The following DHTKD1 variants were observed in gnomAD, a reference collection of about 807,000 sequenced individuals.
The protein encoded by DHTKD1 is 2-oxoadipate dehydrogenase complex component E1.
DHTKD1 carries 78 observed loss-of-function variants against 101.8 expected under a neutral mutation model. The ratio of observed to expected loss-of-function variants is 0.77; its 90% CI spans 0.64 to 0.93. The LOEUF is 0.93. Among genes scored for constraint, DHTKD1 ranks in the 40% least tolerant of loss-of-function variants. DHTKD1 has a pLI of 0.00. For synonymous variants in DHTKD1, 462 were observed against 450.3 expected, an observed-to-expected ratio of 1.03 and a Z score of -0.33; for missense variants, 1,223 against 1,161.7, an observed-to-expected ratio of 1.05 and a Z score of -0.77.
intron 10 of DHTKD1, among the ~76,000 whole-genome samples, chr10:12,104,178 G>A (rs2131618368): frequency 6.6e-6 from 1 of 152,278 alleles, no homozygotes; most frequent in South Asian, 2.1e-4. Context: ...GCATGTATCA[G>A]TACATCCTTC....
At position 12,094,114 on chromosome 10, in the gene DHTKD1, A is replaced by G; in HGVS notation, c.1201A>G (p.Ser401Gly). ...TGCCATCATCCATGTCAATGGAGAC[A>G]GCCCAGAGGAAGTGGTCCGTGCCAC... ...GCAIIHVNGD[S>G]PEEVVRATRL... Residue 401 changes from serine (S) to glycine (G), a missense_variant, in exon 7 of 17, where the codon AGC becomes GGC. Physicochemically the swap from Ser to Gly is moderately conservative, Grantham distance 56. Coordinates refer to ENST00000263035, the MANE Select transcript of DHTKD1 (RefSeq NM_018706.7). The G allele has an allele frequency of 1.2e-6, 2 of 1,614,134 alleles. No homozygotes were observed. The highest frequency in any genetic ancestry group is 1.7e-6 in the Non-Finnish European group (2 of 1,180,018).
chr10:12,089,934 G>GT (rs1832960842), intron 5 of DHTKD1, among the ~76,000 whole-genome samples: 1 of 151,346 alleles, frequency 6.6e-6, no homozygotes, highest in Non-Finnish European at 1.5e-5. Flanking sequence ...GCCTCCCAAA[G>GT]TGCTGAGATT....
intron 1 of DHTKD1, 49 bp downstream of exon 1, chr10:12,069,236 C>A (rs1451550412): frequency 5.5e-6 from 8 of 1,463,318 alleles, no homozygotes; most frequent in Non-Finnish European, 7.2e-6. Flanking sequence ...GACGCAGAAG[C>A]CTCCCCTGGC....
Position 12,103,916 on chromosome 10 carries a change from A to G in DHTKD1, c.1897-2330A>G, listed in dbSNP as rs1270322739. Among the ~76,000 whole-genome samples the G allele has an allele frequency of 6.6e-6, 1 of 152,142 alleles. No individual in the cohort carries two copies. Among genetic ancestry groups the G allele is most frequent in the Non-Finnish European group, 1.5e-5 (1 of 68,028 alleles). ...CTTGAGCAGTTTGTAGTCTATTCAC[A>G]GAGTTGTGTAATCATCACCACTATC... On this transcript the variant is annotated intron_variant, in intron 10 of 16. Transcript: ENST00000263035. The surrounding 1 kb of genome is among the most constrained non-coding windows in gnomAD (Gnocchi z 4.8).
intron 7 of DHTKD1, among the ~76,000 whole-genome samples, chr10:12,097,115 T>C (rs968666750): frequency 1.3e-5 from 2 of 152,156 alleles, no homozygotes; most frequent in Admixed American, 6.6e-5. Flanking sequence ...TATAAACTTA[T>C]TGAGATGAAC....
rs1833034016 is a variant in DHTKD1 at position 12,094,179 on chromosome 10, T to C, written c.1266T>C (p.Asp422=). 1 of 1,614,140 alleles carries C rather than the reference T, an allele frequency of 6.2e-7. No individual in the cohort carries two copies. Among genetic ancestry groups the C allele is most frequent in the Non-Finnish European group, 8.5e-7 (1 of 1,180,032 alleles). Residue 422 remains aspartate, a synonymous_variant, in exon 7 of 17, where the codon GAT becomes GAC. Transcript: ENST00000263035. ...AATACCAACGCCAGTTCCGCAAGGATGTGATTATTGATCTGTTGTGCTACA... is the reference window on the plus strand; with the variant it reads ...AATACCAACGCCAGTTCCGCAAGGACGTGATTATTGATCTGTTGTGCTACA... ...AFEYQRQFRK[D]VIIDLLCYRQ...
At chr10:12,096,176 T>C (rs907277674) in intron 7 of DHTKD1, among the ~76,000 whole-genome samples, 7 of 152,148 alleles carry the variant, frequency 4.6e-5, no homozygotes, top group Non-Finnish European at 7.3e-5. Context: ...ACTTTGGAAC[T>C]TCCTTTTCTA....
rs748189279 is a variant in DHTKD1, at chr10:12,103,106, C to G, written c.1896+1925C>G. On this transcript the variant is annotated intron_variant, in intron 10 of 16. Coordinates refer to ENST00000263035, the MANE Select transcript of DHTKD1 (RefSeq NM_018706.7). This position sits in a 1 kb window ranked among gnomAD's most constrained non-coding sequence, Gnocchi z 4.8. The stretch of plus-strand genomic sequence containing the variant: ...GGCATGGTGGCACACGCCTGTAATC[C>G]CAGCTACTCAGGAGGTTGAGGCAGG... 2.0e-5 allele frequency among the ~76,000 whole-genome samples: 3 copies of G among 152,092 alleles called. No individual in the cohort carries two copies. The highest frequency in any genetic ancestry group is 4.4e-5 in the Non-Finnish European group (3 of 68,022).
At position 12,122,793 on chromosome 10, in the gene DHTKD1, G is replaced by C. The variant is rs1833545431; in HGVS notation, c.*1905G>C. ...ACGTAACTAAACAGCGAACCATGTA[G>C]CTTCACCTGACTCAGTGCTGGGGGC... On this transcript the variant is annotated 3_prime_UTR_variant, in exon 17 of 17. Transcript: ENST00000263035. 6.6e-6 allele frequency: 1 copy of C among 152,170 alleles called. No individual in the cohort carries two copies. Among genetic ancestry groups the C allele is most frequent in the Non-Finnish European group, 1.5e-5 (1 of 68,056 alleles). 9.4% of individuals were successfully genotyped at this position (152,170 alleles called of 1,614,324 possible). A position where few individuals can be genotyped will look rare whatever the true frequency, so the allele number is the denominator to read the frequency against.
intron 4 of DHTKD1, 143 bp from the exon 5 acceptor site, chr10:12,088,843 C>T (rs1028829925): frequency 2.7e-6 from 2 of 750,924 alleles, no homozygotes; most frequent in Admixed American, 5.1e-5. Context: ...TCTCAGCCTC[C>T]CAAAGTGCTG....
rs1554793234 is a variant in DHTKD1, at chr10:12,103,525, G to GTGTGTGTA, written c.1896+2347_1896+2348insGTGTATGT. Among the ~76,000 whole-genome samples, 2 of 127,710 alleles carry GTGTGTGTA rather than the reference G, an allele frequency of 1.6e-5. No individual in the cohort carries two copies. The highest frequency in any genetic ancestry group is 3.5e-5 in the Non-Finnish European group (2 of 56,534). The allele number at this position is 127,710 out of a possible 152,430, so 83.8% of individuals were successfully genotyped here. A position where few individuals can be genotyped will look rare whatever the true frequency, so the allele number is the denominator to read the frequency against. On this transcript the variant is annotated intron_variant, in intron 10 of 16. Transcript: ENST00000263035. This position sits in a 1 kb window ranked among gnomAD's most constrained non-coding sequence, Gnocchi z 4.8. ...TGTGTGTGTGTGTGTGTGTGTGTGT[G>GTGTGTGTA]TGTATGTATGTGACAGGTCCTCCTC...
At chr10:12,073,836 G>A (rs1285082873) in intron 1 of DHTKD1, among the ~76,000 whole-genome samples, 1 of 152,174 alleles carries the variant, frequency 6.6e-6, no homozygotes, top group Non-Finnish European at 1.5e-5. Flanking sequence ...TGAGGGCTCT[G>A]AAAAGCTTTT....
chr10:12,117,611 G>C, intron 13 of DHTKD1, 62 bp from the exon 14 acceptor site: 2 of 977,144 alleles, frequency 2.0e-6, no homozygotes, highest in Non-Finnish European at 3.3e-6. Context: ...AGCGGCCCTT[G>C]TAAGTGACAG....
In DHTKD1 at chr10:12,087,711, T is replaced by C. The variant is rs757162578; in HGVS notation, c.699T>C (p.Leu233=). 4 of 1,604,664 alleles carry C rather than the reference T, an allele frequency of 2.5e-6. No individual in the cohort carries two copies. Residue 233 remains leucine (L), a synonymous_variant, in exon 4 of 17, where the codon CTT becomes CTC. Transcript: ENST00000263035. The surrounding 1 kb of genome is among the most constrained non-coding windows in gnomAD (Gnocchi z 5.2). ...GGAGGCTGAATTTATTGACAGGCCT[T>C]CTGCAGTTCCCTCCAGAGGTAAGGT... ...HRGRLNLLTG[L]LQFPPELMFR... is the part of the protein sequence containing the mutation.
chr10:12,117,062 G>A (rs1833428278), intron 13 of DHTKD1, among the ~76,000 whole-genome samples: 1 of 151,842 alleles, frequency 6.6e-6, no homozygotes, highest in African/African-American at 2.4e-5. Context: ...GAGTGCAATG[G>A]TGCGATTTCA....
intron 12 of DHTKD1, among the ~76,000 whole-genome samples, chr10:12,111,144 A>T (rs1414349275): frequency 6.6e-6 from 1 of 151,690 alleles, no homozygotes; most frequent in Non-Finnish European, 1.5e-5. Flanking sequence ...TGGTGGGAAA[A>T]TTTGTGTCAA....
At chr10:12,089,919 C>T (rs1296709622) in intron 5 of DHTKD1, among the ~76,000 whole-genome samples, 1 of 152,098 alleles carries the variant, frequency 6.6e-6, no homozygotes, top group Non-Finnish European at 1.5e-5. Context: ...GATCCTCCCA[C>T]CTCAGCCTCC....
intron 4 of DHTKD1, among the ~76,000 whole-genome samples, chr10:12,088,042 G>A (rs754387846): frequency 7.2e-5 from 11 of 152,240 alleles, no homozygotes; most frequent in Non-Finnish European, 1.3e-4. Flanking sequence ...GAGCCCAGGA[G>A]TTTGAGGCTG....
chr10:12,117,447 G>C (rs1294660522), intron 13 of DHTKD1, among the ~76,000 whole-genome samples: 1 of 151,948 alleles, frequency 6.6e-6, no homozygotes, highest in African/African-American at 2.4e-5. Flanking sequence ...GCCTCCCAAA[G>C]TGTTAAGATT....
Sources: allele counts gnomAD v4.1 joint callset (sites outside exome capture counted in the v4.1 genomes callset), GRCh38; gene constraint gnomAD v4.1.1; non-coding constraint Gnocchi (gnomAD v3.1); transcripts MANE v1.5; gene names NCBI Gene and HGNC (gene_info 2026-07-23, HGNC 2026-07-21).